RPS6KC1: variants seen among roughly 807,000 people sequenced by gnomAD.
RPS6KC1 encodes ribosomal protein S6 kinase C1, also known as inactive ribosomal protein S6 kinase delta-1.
RPS6KC1 carries 54 observed loss-of-function variants against 103.8 expected under a neutral mutation model. The observed-to-expected ratio is 0.52, with a 90% confidence interval of 0.42 to 0.65. The LOEUF is 0.65. RPS6KC1 is among the 30% of genes least tolerant of loss of function. RPS6KC1 has a pLI of 0.00. For missense variants in RPS6KC1, 1,151 were observed against 1,253.8 expected (o/e 0.92, Z 1.24); for synonymous variants, 439 against 438.7 (o/e 1.00, Z -0.01).
the RPS6KC1 span, among the ~76,000 whole-genome samples, chr1:213,383,474 G>T: frequency 6.6e-6 from 1 of 152,192 alleles, no homozygotes; most frequent in Non-Finnish European, 1.5e-5. Flanking sequence ...TTTGCTGGTT[G>T]TGTGCTCCAG....
At chr1:213,499,863 T>C in the RPS6KC1 span, among the ~76,000 whole-genome samples, 3 of 152,134 alleles carry the variant, frequency 2.0e-5, no homozygotes, top group African/African-American at 7.2e-5. Context: ...ATAGAAAAAG[T>C]ACAGTAAAAA....
At chr1:213,628,294 T>G in the RPS6KC1 span, among the ~76,000 whole-genome samples, 1 of 152,222 alleles carries the variant, frequency 6.6e-6, no homozygotes, top group African/African-American at 2.4e-5. Flanking sequence ...TTATTGCATC[T>G]ATTTAATTCT....
At chr1:213,442,834 G>A in the RPS6KC1 span, among the ~76,000 whole-genome samples, 1 of 152,204 alleles carries the variant, frequency 6.6e-6, no homozygotes, top group Non-Finnish European at 1.5e-5. Flanking sequence ...TTGTCCCATG[G>A]CCACATGTAG....
chr1:213,173,446 T>C (rs2091632919), intron 7 of RPS6KC1, among the ~76,000 whole-genome samples: 1 of 152,254 alleles, frequency 6.6e-6, no homozygotes, highest in Non-Finnish European at 1.5e-5. Flanking sequence ...CTTCGGAGAC[T>C]GTATAGTCAA....
chr1:213,824,988 G>T, the RPS6KC1 span, among the ~76,000 whole-genome samples: 2 of 152,196 alleles, frequency 1.3e-5, 1 homozygote, highest in South Asian at 4.1e-4. Context: ...CTCCCAGCAG[G>T]CTTCTGCCCC....
intron 5 of RPS6KC1, among the ~76,000 whole-genome samples, chr1:213,122,340 A>T (rs1406695917): frequency 6.6e-6 from 1 of 152,168 alleles, no homozygotes; most frequent in African/African-American, 2.4e-5. Flanking sequence ...GGTTGGTCTA[A>T]TTGGAAAGGT....
the RPS6KC1 span, chr1:213,820,247 G>A: frequency 1.3e-5 from 2 of 152,194 alleles, no homozygotes; most frequent in African/African-American, 4.8e-5. Flanking sequence ...GCCTCTATAG[G>A]TCTGAAGTCT....
chr1:213,393,257 A>G, the RPS6KC1 span, among the ~76,000 whole-genome samples: 1 of 152,214 alleles, frequency 6.6e-6, no homozygotes, highest in Non-Finnish European at 1.5e-5. Context: ...GAGGGCTGAC[A>G]TTGCATACTT....
At chr1:213,730,403 T>C in the RPS6KC1 span, among the ~76,000 whole-genome samples, 1 of 152,224 alleles carries the variant, frequency 6.6e-6, no homozygotes, top group Non-Finnish European at 1.5e-5. Flanking sequence ...TGTATAGATG[T>C]TCCTTTTCTC....
chr1:213,639,001 T>A, the RPS6KC1 span, among the ~76,000 whole-genome samples: 1 of 152,044 alleles, frequency 6.6e-6, no homozygotes, highest in Non-Finnish European at 1.5e-5. Flanking sequence ...GTCTCTCCAT[T>A]TATTTATGTC....
chr1:213,519,975 G>A, the RPS6KC1 span, among the ~76,000 whole-genome samples: 2 of 152,130 alleles, frequency 1.3e-5, no homozygotes, highest in Non-Finnish European at 2.9e-5. Flanking sequence ...ACAGTTTTGA[G>A]AGATCACACA....
At chr1:213,840,166 C>G in the RPS6KC1 span, 1 of 152,160 alleles carries the variant, frequency 6.6e-6, no homozygotes, top group Non-Finnish European at 1.5e-5. Flanking sequence ...TCAAAGTCTT[C>G]TCTAATGTCA....
the RPS6KC1 span, among the ~76,000 whole-genome samples, chr1:213,531,841 C>T: frequency 8.5e-5 from 13 of 152,224 alleles, no homozygotes; most frequent in African/African-American, 2.9e-4. Flanking sequence ...CACAGACTAA[C>T]ATTAGAGGAC....
the RPS6KC1 span, among the ~76,000 whole-genome samples, chr1:213,312,564 C>T: frequency 2.2e-4 from 33 of 152,156 alleles, no homozygotes; most frequent in Non-Finnish European, 4.4e-4. Flanking sequence ...TTGGCTCAGT[C>T]CTGTAAACAC....
chr1:213,117,279 T>C (rs2083765465), intron 4 of RPS6KC1, 38 bp from the exon 5 acceptor site: 3 of 1,229,292 alleles, frequency 2.4e-6, no homozygotes, highest in Admixed American at 3.7e-5. Flanking sequence ...GTTTATGCTC[T>C]TAATGCTAAT....
chr1:213,847,090 A>G, the RPS6KC1 span, among the ~76,000 whole-genome samples: 1 of 152,180 alleles, frequency 6.6e-6, no homozygotes, highest in Non-Finnish European at 1.5e-5. Flanking sequence ...GCATTCTAAC[A>G]GTTGGCCTCT....
chr1:213,822,114 A>G, the RPS6KC1 span: 1 of 152,190 alleles, frequency 6.6e-6, no homozygotes, highest in Non-Finnish European at 1.5e-5. Flanking sequence ...TGATCCAGAT[A>G]CCAAAGTCCT....
the RPS6KC1 span, among the ~76,000 whole-genome samples, chr1:213,708,312 G>A: frequency 6.6e-6 from 1 of 152,128 alleles, no homozygotes; most frequent in South Asian, 2.1e-4. Flanking sequence ...TTGTGAATGG[G>A]AATTCACTCA....
At chr1:213,569,533 C>G in the RPS6KC1 span, among the ~76,000 whole-genome samples, 1 of 152,008 alleles carries the variant, frequency 6.6e-6, no homozygotes, top group Non-Finnish European at 1.5e-5. Flanking sequence ...CACCTGTACT[C>G]ATTTTGTGTA....
Sources: gnomAD v4.1 joint callset for allele counts (sites outside exome capture counted in the v4.1 genomes callset) on GRCh38, gnomAD v4.1.1 for gene constraint, MANE v1.5 for transcripts, NCBI Gene and HGNC (gene_info 2026-07-23, HGNC 2026-07-21) for gene names.